PCDHGA6: variants seen among roughly 807,000 people sequenced by gnomAD.
PCDHGA6 encodes protocadherin gamma-A6.
A neutral mutation model predicts 60.6 loss-of-function variants in PCDHGA6; 41 were observed. That is an observed-to-expected ratio of 0.68 (90% CI 0.53 to 0.88). The LOEUF is 0.88. Ranked by LOEUF, PCDHGA6 falls within the 40% of genes least tolerant of loss-of-function variation. The pLI, the probability that PCDHGA6 is intolerant of heterozygous loss-of-function variation, is 0.00. For missense variants in PCDHGA6, 1,312 were observed against 1,203.0 expected, an observed-to-expected ratio of 1.09 and a Z score of -1.34; for synonymous variants, 594 against 524.4, an observed-to-expected ratio of 1.13 and a Z score of -1.81.
Position 141,489,767 on chromosome 5 carries a change from G to T in PCDHGA6, c.2425-5040G>T, listed in dbSNP as rs2099691977. On this transcript the variant is annotated intron_variant, in intron 1 of 3. Transcript: ENST00000517434. This position sits in a 1 kb window ranked among gnomAD's most constrained non-coding sequence, Gnocchi z 4.5. ...AGCTTTTACACTCTAAGCCCCAACA[G>T]CCACTTCTCTCTGAATGTGAAGACC... The T allele has an allele frequency of 6.2e-7, 1 of 1,614,028 alleles. No homozygotes were observed. Among genetic ancestry groups the T allele is most frequent in the African/African-American group, 1.3e-5 (1 of 74,938 alleles).
rs138087785 is a variant in PCDHGA6, at chr5:141,383,992, G to T, written c.2424+7485G>T. 9.8e-5 allele frequency: 158 copies of T among 1,613,878 alleles called. No homozygotes were observed. The East Asian group carries it at 3.5e-3, about 35-fold the overall frequency. On this transcript the variant is annotated intron_variant, in intron 1 of 3. Coordinates refer to ENST00000517434, the MANE Select transcript of PCDHGA6 (RefSeq NM_018919.3). Reference sequence around the variant, plus strand: ...CCCTGAAGACACACCTCTTGGGACAGTCATTGCTCTTTTCTACCTACAAGA... The same window carrying T: ...CCCTGAAGACACACCTCTTGGGACATTCATTGCTCTTTTCTACCTACAAGA...
intron 2 of PCDHGA6, among the ~76,000 whole-genome samples, chr5:141,495,507 C>T (rs1380258502): frequency 6.6e-6 from 1 of 152,188 alleles, no homozygotes; most frequent in African/African-American, 2.4e-5. Context: ...TCCGTCTTTG[C>T]CACTTTCTCT....
chr5:141,430,580 G>A, intron 1 of PCDHGA6: 1 of 478,526 alleles, frequency 2.1e-6, no homozygotes, highest in Admixed American at 3.8e-5. Context: ...CGGAGATCCT[G>A]CTCGCCTTGC....
chr5:141,414,377 C>T (rs2095740461), intron 1 of PCDHGA6: 1 of 1,613,760 alleles, frequency 6.2e-7, no homozygotes, highest in South Asian at 1.1e-5. Context: ...TTAGAAAAGT[C>T]CATTGACAGT....
At position 141,375,579 on chromosome 5, in the gene PCDHGA6, C is replaced by T. The variant is rs754106042; in HGVS notation, c.1496C>T (p.Ala499Val). 6 of 1,613,996 alleles carry T rather than the reference C, an allele frequency of 3.7e-6. No individual in the cohort carries two copies. The highest frequency in any genetic ancestry group is 2.7e-5 in the African/African-American group (2 of 74,928). ...YSLAEDTLQG[A>V]PLSSYVSINS... ...CTGGCAGAAGACACCCTCCAGGGGG[C>T]GCCCCTGTCCTCCTACGTGTCCATC... The change falls in exon 1 of 4, where the codon GCG becomes GTG. Residue 499 changes from alanine (A) to valine (V), a missense_variant. Physicochemically the swap from Ala to Val is moderately conservative, Grantham distance 64. Transcript: ENST00000517434.
chr5:141,374,196 A>T lies in PCDHGA6; in HGVS notation c.113A>T (p.Glu38Val). Residue 38 changes from glutamate (E) to valine (V), a missense_variant, in exon 1 of 4, where the codon GAG (glutamate) becomes GTG (valine). Coordinates refer to ENST00000517434, the MANE Select transcript of PCDHGA6 (RefSeq NM_018919.3). ...AAQIRYSIPE[E>V]LEKGSFVGNI... ...CAGATCCGCTACTCTATTCCCGAGG[A>T]GCTGGAGAAAGGCTCCTTCGTAGGC... is the stretch of plus-strand genomic sequence containing the variant. The T allele has an allele frequency of 6.2e-7, 1 of 1,613,838 alleles. No homozygotes were observed. The highest frequency in any genetic ancestry group is 8.5e-7 in the Non-Finnish European group (1 of 1,179,886).
chr5:141,411,910 C>T (rs1248743908), intron 1 of PCDHGA6: 2 of 152,164 alleles, frequency 1.3e-5, no homozygotes, highest in East Asian at 1.9e-4. Context: ...TGCCTTTGCA[C>T]TCAGTCTCTG....
At chr5:141,501,926 C>T (rs1388315216) in intron 2 of PCDHGA6, among the ~76,000 whole-genome samples, 1 of 152,126 alleles carries the variant, frequency 6.6e-6, no homozygotes, top group African/African-American at 2.4e-5. Flanking sequence ...AGCTTTGTTC[C>T]CTCAACACCA....
At chr5:141,504,980 G>A (rs113323355) in intron 2 of PCDHGA6, among the ~76,000 whole-genome samples, 174 of 152,196 alleles carry the variant, frequency 1.1e-3, no homozygotes, top group African/African-American at 3.9e-3. Context: ...TGGCCAACAT[G>A]GTGAAACCCC....
intron 1 of PCDHGA6, among the ~76,000 whole-genome samples, chr5:141,387,190 T>C (rs2090856336): frequency 1.3e-5 from 2 of 152,124 alleles, no homozygotes; most frequent in African/African-American, 2.4e-5. Context: ...AAAAGGCAAT[T>C]TTGGTATTAC....
At chr5:141,482,719 G>C (rs1221351410) in intron 1 of PCDHGA6, among the ~76,000 whole-genome samples, 1 of 129,252 alleles carries the variant, frequency 7.7e-6, no homozygotes, top group African/African-American at 3.5e-5. Flanking sequence ...GGCAGGGAGG[G>C]GCCATTGCAA....
intron 1 of PCDHGA6, chr5:141,415,500 C>G (rs754684999): frequency 6.2e-6 from 10 of 1,614,074 alleles, no homozygotes; most frequent in Non-Finnish European, 8.5e-6. Context: ...TGATCTTCCC[C>G]CAGCCCAATT....
At position 141,388,927 on chromosome 5, in the gene PCDHGA6, A is replaced by G. The variant is rs772950330; in HGVS notation, c.2424+12420A>G. 7 of 1,614,064 alleles carry G rather than the reference A, an allele frequency of 4.3e-6. No individual in the cohort carries two copies. Among genetic ancestry groups the G allele is most frequent in the Non-Finnish European group, 5.1e-6 (6 of 1,179,890 alleles). Reference sequence around the variant, plus strand: ...GACAACGCCCCAGAAGTGATATTCCAGTCTCTACCCAACCTAATTATGGAG... The same window carrying G: ...GACAACGCCCCAGAAGTGATATTCCGGTCTCTACCCAACCTAATTATGGAG... On this transcript the variant is annotated intron_variant, in intron 1 of 3. Coordinates refer to ENST00000517434, the MANE Select transcript of PCDHGA6 (RefSeq NM_018919.3).
chr5:141,505,704 G>A (rs770933428), intron 3 of PCDHGA6, among the ~76,000 whole-genome samples: 1 of 152,184 alleles, frequency 6.6e-6, no homozygotes, highest in Non-Finnish European at 1.5e-5. Context: ...GAGCGAACAA[G>A]GAAAAGACTC....
At chr5:141,399,679 T>C (rs757165628) in intron 1 of PCDHGA6, 4 of 1,613,560 alleles carry the variant, frequency 2.5e-6, no homozygotes, top group South Asian at 2.2e-5. Flanking sequence ...CGCCTTTGAC[T>C]ACGAGCAGCT....
intron 1 of PCDHGA6, chr5:141,413,829 C>T (rs923860929): frequency 1.1e-5 from 18 of 1,613,176 alleles, no homozygotes; most frequent in Non-Finnish European, 1.4e-5. Flanking sequence ...TCCTCACCGC[C>T]TCCGACGGGG....
chr5:141,452,165 C>T (rs917431071), intron 1 of PCDHGA6, among the ~76,000 whole-genome samples: 2 of 152,120 alleles, frequency 1.3e-5, no homozygotes, highest in African/African-American at 4.8e-5. Flanking sequence ...TATTCTATTA[C>T]TAACATTTTT....
chr5:141,421,219 G>C (rs894586889), intron 1 of PCDHGA6: 1 of 1,573,208 alleles, frequency 6.4e-7, no homozygotes. Context: ...TATCGGCTTA[G>C]AGCCTGCCAT....
At position 141,389,870 on chromosome 5, in the gene PCDHGA6, C is replaced by T. The variant is rs1395147259; in HGVS notation, c.2424+13363C>T. On this transcript the variant is annotated intron_variant, in intron 1 of 3. Transcript: ENST00000517434. ...CCACTGCCACGTTGCACCTGGTCTT[C>T]GCCGACAGCTTGCAGGAGGTGCTGC... is the stretch of plus-strand genomic sequence containing the variant. The T allele has an allele frequency of 2.5e-6, 4 of 1,613,960 alleles. No individual in the cohort carries two copies. The South Asian group carries it at 3.3e-5, about 13-fold the overall frequency.
Sources: allele counts gnomAD v4.1 joint callset (sites outside exome capture counted in the v4.1 genomes callset), GRCh38; gene constraint gnomAD v4.1.1; non-coding constraint Gnocchi (gnomAD v3.1); transcripts MANE v1.5; gene names NCBI Gene and HGNC (gene_info 2026-07-23, HGNC 2026-07-21).